ANKRD36: variants seen among roughly 807,000 people sequenced by gnomAD.
ANKRD36 encodes the protein ankyrin repeat domain-containing protein 36A.
Under a neutral mutation model 278.1 loss-of-function variants are expected in ANKRD36, and 179 were observed. The ratio of observed to expected loss-of-function variants is 0.64; its 90% confidence interval spans 0.57 to 0.73. The LOEUF (loss-of-function observed/expected upper bound fraction) is 0.73, where lower values mean the gene tolerates loss of function less well. Ranked by LOEUF, ANKRD36 falls within the 30% of genes least tolerant of loss-of-function variation. The probability of loss-of-function intolerance (pLI) is 0.00; values close to 1 mark genes in which losing one functional copy is unlikely to be tolerated. For missense variants in ANKRD36, 1,159 were observed against 1,956.7 expected (o/e 0.59, Z 7.69); for synonymous variants, 320 against 641.1 (o/e 0.50, Z 7.57).
intron 6 of ANKRD36, among the ~76,000 whole-genome samples, chr2:97,131,680 T>C (rs2040196709): frequency 6.6e-6 from 1 of 152,002 alleles, no homozygotes; most frequent in Non-Finnish European, 1.5e-5. Context: ...TAGATATTTT[T>C]AGTTTTATAA....
intron 28 of ANKRD36, among the ~76,000 whole-genome samples, chr2:97,183,880 A>G (rs56181309): frequency 0.15 from 23,425 of 151,610 alleles, 2,568 homozygotes; most frequent in Middle Eastern, 0.3. Context: ...GGATAGAAGA[A>G]CCATTGGAAA....
chr2:97,211,148 G>C (rs2064436307), intron 56 of ANKRD36, among the ~76,000 whole-genome samples: 1 of 151,844 alleles, frequency 6.6e-6, no homozygotes, highest in African/African-American at 2.4e-5. Flanking sequence ...CTATAATGGT[G>C]TAAATCCTTT....
intron 48 of ANKRD36, among the ~76,000 whole-genome samples, chr2:97,203,134 T>A (rs1399940566): frequency 6.6e-6 from 1 of 151,792 alleles, no homozygotes; most frequent in Non-Finnish European, 1.5e-5. Flanking sequence ...ATACATTGGT[T>A]TCCTTGTTCA....
chr2:97,146,393 T>C, intron 10 of ANKRD36, 93 bp from the exon 11 acceptor site: 7 of 1,092,420 alleles, frequency 6.4e-6, no homozygotes, highest in Non-Finnish European at 8.8e-6. Flanking sequence ...GTAGCTGAGA[T>C]TATAGGAACA....
intron 6 of ANKRD36, among the ~76,000 whole-genome samples, chr2:97,140,112 T>C (rs2042503828): frequency 6.6e-6 from 1 of 151,852 alleles, no homozygotes; most frequent in Non-Finnish European, 1.5e-5. Context: ...TGTTCCATAT[T>C]TATTTCCTGT....
At position 97,214,429 on chromosome 2, in the gene ANKRD36, A is replaced by G. The variant is rs2065416023; in HGVS notation, c.3571+815A>G. On this transcript the variant is annotated intron_variant, in intron 60 of 75. Coordinates refer to ENST00000420699, the MANE Select transcript of ANKRD36 (RefSeq NM_001354587.1). Reference sequence around the variant, plus strand: ...ATTTAATGAATATTCTTTAGAGAATAGCATGATATTCCTAACAAGACTATT... The same window carrying G: ...ATTTAATGAATATTCTTTAGAGAATGGCATGATATTCCTAACAAGACTATT... Among the ~76,000 whole-genome samples, 3 of 150,456 alleles carry G rather than the reference A, an allele frequency of 2.0e-5. 1 individual carries two copies. The South Asian group carries it at 6.3e-4, about 32-fold the overall frequency.
At chr2:97,190,518 G>T (rs1484469616) in intron 34 of ANKRD36, among the ~76,000 whole-genome samples, 1 of 151,524 alleles carries the variant, frequency 6.6e-6, no homozygotes, top group African/African-American at 2.4e-5. Context: ...CATGGTAATT[G>T]TGTGCCTTCT....
Position 97,118,518 on chromosome 2 carries a change from G to T in ANKRD36, c.486+1G>T. 1 of 1,559,692 alleles carries T rather than the reference G, an allele frequency of 6.4e-7. No homozygotes were observed. The highest frequency in any genetic ancestry group is 8.7e-7 in the Non-Finnish European group (1 of 1,152,178). On this transcript the variant is annotated splice_donor_variant, in intron 3 of 75. Transcript: ENST00000420699. LOFTEE classifies it high-confidence loss of function. ...TACAAATATTGAAGAATGCAGCAAG[G>T]TATAGGTCAACCAATGTTATTTTCA... is the stretch of plus-strand genomic sequence containing the variant.
At chr2:97,147,022 G>C (rs1408918602) in intron 11 of ANKRD36, among the ~76,000 whole-genome samples, 3 of 151,284 alleles carry the variant, frequency 2.0e-5, no homozygotes, top group African/African-American at 7.3e-5. Flanking sequence ...AAATTTTAAA[G>C]GCAGATATCA....
intron 38 of ANKRD36, among the ~76,000 whole-genome samples, 181 bp downstream of exon 38, chr2:97,193,234 G>T (rs1487618723): frequency 7.0e-6 from 1 of 143,168 alleles, no homozygotes; most frequent in Non-Finnish European, 1.5e-5. Context: ...CATGATCTTC[G>T]CAGTAAGATT....
At chr2:97,180,873 G>A (rs988689805) in intron 24 of ANKRD36, among the ~76,000 whole-genome samples, 2 of 151,596 alleles carry the variant, frequency 1.3e-5, no homozygotes, top group Non-Finnish European at 2.9e-5. Context: ...TCTAATGCTT[G>A]TAGCAGTTTT....
intron 11 of ANKRD36, among the ~76,000 whole-genome samples, chr2:97,147,441 T>A (rs920728596): frequency 1.3e-4 from 20 of 151,944 alleles, no homozygotes; most frequent in Non-Finnish European, 2.8e-4. Context: ...TTCAGAATGT[T>A]AAGAAATCCT....
At chr2:97,141,743 T>C (rs1445208234) in intron 6 of ANKRD36, among the ~76,000 whole-genome samples, 5 of 151,058 alleles carry the variant, frequency 3.3e-5, no homozygotes, top group Non-Finnish European at 7.4e-5. Context: ...AGCAATTTAA[T>C]GAAAATTCTT....
At chr2:97,179,130 G>A (rs1411860231) in intron 22 of ANKRD36, among the ~76,000 whole-genome samples, 1 of 151,570 alleles carries the variant, frequency 6.6e-6, no homozygotes, top group African/African-American at 2.4e-5. Context: ...AGATACAAGA[G>A]ATGTAGGCAC....
chr2:97,229,652 T>C (rs1346543854), intron 67 of ANKRD36, among the ~76,000 whole-genome samples: 1 of 152,082 alleles, frequency 6.6e-6, no homozygotes, highest in African/African-American at 2.4e-5. Context: ...AAGTTAATAT[T>C]GTTATGTCTG....
At chr2:97,204,447 G>A (rs1445930778) in intron 50 of ANKRD36, among the ~76,000 whole-genome samples, 184 bp downstream of exon 50, 1 of 151,608 alleles carries the variant, frequency 6.6e-6, no homozygotes, top group Non-Finnish European at 1.5e-5. Flanking sequence ...GATCTTCACA[G>A]TAAGATTATA....
intron 48 of ANKRD36, among the ~76,000 whole-genome samples, chr2:97,203,720 C>A (rs1411123540): frequency 6.6e-6 from 1 of 151,804 alleles, no homozygotes; most frequent in South Asian, 2.1e-4. Flanking sequence ...TCATGTAGCA[C>A]CTGCTTTGAC....
intron 22 of ANKRD36, among the ~76,000 whole-genome samples, chr2:97,178,210 A>T (rs1422528769): frequency 6.6e-6 from 1 of 151,526 alleles, no homozygotes; most frequent in Non-Finnish European, 1.5e-5. Context: ...AGAAATAGGA[A>T]CACTTTTACA....
chr2:97,183,371 A>T (rs1408133013), intron 26 of ANKRD36, 88 bp from the exon 27 acceptor site: 1 of 1,419,030 alleles, frequency 7.0e-7, no homozygotes, highest in Non-Finnish European at 9.5e-7. Flanking sequence ...AGGCAGGAGG[A>T]TACAGCTTGA....
Sources: allele counts gnomAD v4.1 joint callset (sites outside exome capture counted in the v4.1 genomes callset), GRCh38; gene constraint gnomAD v4.1.1; transcripts MANE v1.5; gene names NCBI Gene and HGNC (gene_info 2026-07-23, HGNC 2026-07-21).